The following SRGAP3 variants were observed in gnomAD, a reference collection of about 807,000 sequenced individuals.
SRGAP3 encodes the protein SLIT-ROBO Rho GTPase-activating protein 3.
A neutral mutation model predicts 121.1 loss-of-function variants in SRGAP3; 39 were observed. The ratio of observed to expected loss-of-function variants is 0.32; its 90% confidence interval spans 0.25 to 0.42. The LOEUF (loss-of-function observed/expected upper bound fraction) is 0.42, where lower values mean the gene tolerates loss of function less well. Among genes scored for constraint, SRGAP3 ranks in the 10% least tolerant of loss-of-function variants. SRGAP3 has a pLI of 1.00. For synonymous variants in SRGAP3, 601 were observed against 570.0 expected, an observed-to-expected ratio of 1.05 and a Z score of -0.77; for missense variants, 1,213 against 1,470.6, an observed-to-expected ratio of 0.82 and a Z score of 2.86.
chr3:9,010,517 A>G, intron 17 of SRGAP3, 130 bp from the exon 18 acceptor site: 1 of 953,398 alleles, frequency 1.0e-6, no homozygotes, highest in Non-Finnish European at 1.7e-6. Flanking sequence ...ATACCATCCT[A>G]TCTTTTCCAT....
At chr3:9,134,965 C>G (rs1490356220) in intron 1 of SRGAP3, among the ~76,000 whole-genome samples, 1 of 152,188 alleles carries the variant, frequency 6.6e-6, no homozygotes, top group Non-Finnish European at 1.5e-5. Flanking sequence ...TGATAATAAT[C>G]TCTACCTCAT....
intron 4 of SRGAP3, among the ~76,000 whole-genome samples, chr3:9,077,659 C>CA (rs1454182782): frequency 6.6e-6 from 1 of 152,208 alleles, no homozygotes; most frequent in African/African-American, 2.4e-5. Flanking sequence ...CCTGTGTCTC[C>CA]AATACCAGCG....
chr3:8,985,785 G>A lies in SRGAP3; in HGVS notation c.3034C>T (p.Pro1012Ser), dbSNP rs774571658. 6 of 1,600,390 alleles carry A rather than the reference G, an allele frequency of 3.7e-6. No individual in the cohort carries two copies. Among genetic ancestry groups the A allele is most frequent in the Non-Finnish European group, 4.2e-6 (5 of 1,179,858 alleles). The change falls in exon 22 of 22, where the codon CCC becomes TCC. Residue 1012 changes from proline (P) to serine (S), a missense_variant. By Grantham distance (74) the Pro-to-Ser change is moderately conservative. This residue lies in a region of SRGAP3 where 420 missense variants were observed against 437.7 expected (regional missense o/e 0.96). Coordinates refer to ENST00000383836, the MANE Select transcript of SRGAP3 (RefSeq NM_014850.4). The surrounding 1 kb of genome is among the most constrained non-coding windows in gnomAD (Gnocchi z 5.1). The part of the protein sequence containing the change: ...PGPVSSEPAS[P>S]LHTIVIRDPD... ...TCGCGGATGACGATGGTGTGAAGGG[G>A]ACTGGCGGGCTCCGAGCTGACGGGG... is the stretch of plus-strand genomic sequence containing the variant.
At position 9,278,291 on chromosome 3, in the gene SRGAP3, C is replaced by T. The variant is rs1954618719; in HGVS notation, n.442+47719G>A. 3.3e-5 allele frequency among the ~76,000 whole-genome samples: 5 copies of T among 152,320 alleles called. No homozygotes were observed. In the South Asian group the frequency reaches 6.2e-4, roughly 19 times the overall value. ...CCTCCAAGATATGCACGGGTCAAGA[C>T]TCCCTGGGGGAAAAGCAAGGGACAA... On this transcript the variant is annotated intron_variant and non_coding_transcript_variant, in intron 3 of 3. Coordinates refer to the SRGAP3 transcript ENST00000490889.
intron 3 of SRGAP3, among the ~76,000 whole-genome samples, chr3:9,283,105 T>C (rs1954709472): frequency 6.6e-6 from 1 of 152,088 alleles, no homozygotes; most frequent in East Asian, 1.9e-4. Flanking sequence ...TATACCTGGC[T>C]AGTTTTTTCT....
chr3:9,225,213 G>A (rs967252802), intron 1 of SRGAP3, among the ~76,000 whole-genome samples: 1 of 152,136 alleles, frequency 6.6e-6, no homozygotes, highest in African/African-American at 2.4e-5. Context: ...AGCAGAAACT[G>A]CCCAGCTCAG....
Position 8,985,284 on chromosome 3 carries a change from TG to T in SRGAP3, c.*234del. On this transcript the variant is annotated 3_prime_UTR_variant, in exon 22 of 22. Transcript: ENST00000383836. The surrounding 1 kb of genome is among the most constrained non-coding windows in gnomAD (Gnocchi z 5.1). ...TAGGGAATGCTGTGGTTGGGGCTGC[TG>T]GAGCTCCAGCACTCCTCTGGTCGTC... The T allele has an allele frequency of 1.2e-6, 1 of 849,140 alleles. No homozygotes were observed. Among genetic ancestry groups the T allele is most frequent in the Non-Finnish European group, 1.7e-6 (1 of 580,868 alleles). The allele number at this position is 849,140 out of a possible 1,614,324, so 52.6% of individuals were successfully genotyped here.
intron 1 of SRGAP3, among the ~76,000 whole-genome samples, chr3:9,196,144 A>G (rs552506392): frequency 4.6e-5 from 7 of 152,334 alleles, no homozygotes; most frequent in African/African-American, 1.7e-4. Flanking sequence ...CTCCAGACGG[A>G]GAGAGCAGTT....
At chr3:9,169,575 A>G (rs1154382) in intron 1 of SRGAP3, among the ~76,000 whole-genome samples, 31,820 of 152,212 alleles carry the variant, frequency 0.21, 3,786 homozygotes, top group Admixed American at 0.29. Context: ...ATTTCTGCTA[A>G]GCTGAAATGC....
chr3:9,130,770 T>C (rs947787277), intron 1 of SRGAP3, among the ~76,000 whole-genome samples: 3 of 152,270 alleles, frequency 2.0e-5, no homozygotes, highest in Admixed American at 6.5e-5. Context: ...TAAAGAGATA[T>C]TATTTATTAG....
At chr3:9,344,849 A>G (rs947398564) in intron 1 of SRGAP3, among the ~76,000 whole-genome samples, 2 of 152,050 alleles carry the variant, frequency 1.3e-5, no homozygotes, top group Admixed American at 1.3e-4. Flanking sequence ...ATCCTGGCCA[A>G]CATGGTGAAA....
intron 20 of SRGAP3, among the ~76,000 whole-genome samples, chr3:8,991,520 G>A (rs1488299287): frequency 6.6e-6 from 1 of 152,212 alleles, no homozygotes; most frequent in Non-Finnish European, 1.5e-5. Flanking sequence ...TCAGGAAGGT[G>A]AGTTCTTGCC....
chr3:9,247,773 C>T (rs1272332737), intron 1 of SRGAP3, among the ~76,000 whole-genome samples: 2 of 152,248 alleles, frequency 1.3e-5, no homozygotes, highest in Non-Finnish European at 2.9e-5. Flanking sequence ...CCACAACACA[C>T]CCTGTGTCGC....
rs566435046 is a variant in SRGAP3, at chr3:9,318,000, A to G, written n.442+8010T>C. ...TCTACTGCACAGTTGTACACAAAATATAACATTTCAATTTCATTTTTAGCC... is the reference window on the plus strand; with the variant it reads ...TCTACTGCACAGTTGTACACAAAATGTAACATTTCAATTTCATTTTTAGCC... On this transcript the variant is annotated intron_variant and non_coding_transcript_variant, in intron 3 of 3. Coordinates refer to the SRGAP3 transcript ENST00000490889. Among the ~76,000 whole-genome samples the G allele has an allele frequency of 3.9e-5, 6 of 152,228 alleles. 1 individual carries two copies. The highest frequency in any genetic ancestry group is 1.2e-4 in the African/African-American group (5 of 41,550).
At chr3:9,342,584 GTC>G (rs998628302) in intron 1 of SRGAP3, among the ~76,000 whole-genome samples, 1 of 152,138 alleles carries the variant, frequency 6.6e-6, no homozygotes, top group African/African-American at 2.4e-5. Flanking sequence ...TCTTCCTCTG[GTC>G]TCTCTGACCA....
rs111480621 is a variant in SRGAP3 at position 8,999,222 on chromosome 3, A to C, written c.2228-4699T>G. Among the ~76,000 whole-genome samples the C allele has an allele frequency of 6.0e-3, 907 of 152,248 alleles. 11 individuals are homozygous for C. The highest frequency in any genetic ancestry group is 0.021 in the African/African-American group (863 of 41,550). ...CCTGGCTGGAGTCACATTTTAGGAA[A>C]ATCACTCCAGTGGCAAAGCAGAGCA... On this transcript the variant is annotated intron_variant, in intron 18 of 21. Transcript: ENST00000383836.
chr3:9,006,232 C>G (rs1415129040), intron 18 of SRGAP3, among the ~76,000 whole-genome samples: 1 of 151,990 alleles, frequency 6.6e-6, no homozygotes, highest in Non-Finnish European at 1.5e-5. Flanking sequence ...AACCCCGTCT[C>G]TACTAAAAAA....
chr3:9,048,860 G>A (rs1298193703), intron 9 of SRGAP3, among the ~76,000 whole-genome samples: 6 of 152,176 alleles, frequency 3.9e-5, no homozygotes, highest in African/African-American at 1.2e-4. Flanking sequence ...AGTGGGAACA[G>A]TGGACTGGAA....
chr3:9,126,250 A>T (rs2124989157), intron 1 of SRGAP3, among the ~76,000 whole-genome samples: 1 of 152,326 alleles, frequency 6.6e-6, no homozygotes, highest in East Asian at 1.9e-4. Flanking sequence ...CAGGAAAAAG[A>T]GCAACTGCTC....
Sources: allele counts gnomAD v4.1 joint callset (sites outside exome capture counted in the v4.1 genomes callset), GRCh38; gene constraint gnomAD v4.1.1; regional missense constraint gnomAD v4.1.1; non-coding constraint Gnocchi (gnomAD v3.1); transcripts MANE v1.5; gene names NCBI Gene and HGNC (gene_info 2026-07-23, HGNC 2026-07-21).